Variants in TAF15 observed in about 807,000 individuals in gnomAD.
TAF15 encodes TATA-box binding protein associated factor 15, also known as TATA-binding protein-associated factor 2N.
A neutral mutation model predicts 102.5 loss-of-function variants in TAF15; 37 were observed. The ratio of observed to expected loss-of-function variants is 0.36; its 90% CI spans 0.28 to 0.47. The LOEUF is 0.47. TAF15 is among the 20% of genes least tolerant of loss of function. The pLI, the probability that TAF15 is intolerant of heterozygous loss-of-function variation, is 0.99. For synonymous variants in TAF15, 273 were observed against 259.2 expected (o/e 1.05, Z -0.51); for missense variants, 652 against 760.7 (o/e 0.86, Z 1.68).
At chr17:35,822,870 T>A (rs1253544683) in intron 6 of TAF15, 37 bp downstream of exon 6, 2 of 1,607,530 alleles carry the variant, frequency 1.2e-6, no homozygotes, top group Non-Finnish European at 1.7e-6. Flanking sequence ...TTTTTCCCCC[T>A]CTCAGAATTA....
chr17:35,813,778 A>G (rs1296064608), intron 1 of TAF15, among the ~76,000 whole-genome samples: 1 of 152,178 alleles, frequency 6.6e-6, no homozygotes, highest in Non-Finnish European at 1.5e-5. Context: ...TGAATTGAAC[A>G]CTAGATTTAA....
chr17:35,831,837 C>G (rs573224779), intron 7 of TAF15, among the ~76,000 whole-genome samples: 1 of 151,820 alleles, frequency 6.6e-6, no homozygotes, highest in South Asian at 2.1e-4. Flanking sequence ...AATCCCAGCA[C>G]TTTGGGAGCC....
intron 2 of TAF15, among the ~76,000 whole-genome samples, chr17:35,819,527 T>G (rs910564685): frequency 6.6e-6 from 1 of 152,196 alleles, no homozygotes; most frequent in Non-Finnish European, 1.5e-5. Flanking sequence ...TTGAGACTTT[T>G]AAACTGGACT....
chr17:35,844,867 G>A lies in TAF15; in HGVS notation c.1568G>A (p.Gly523Glu). The A allele has an allele frequency of 6.2e-7, 1 of 1,613,108 alleles. No individual in the cohort carries two copies. Among genetic ancestry groups the A allele is most frequent in the Non-Finnish European group, 8.5e-7 (1 of 1,179,550 alleles). The change falls in exon 15 of 16, where the codon GGA becomes GAA. Residue 523 changes from glycine (G) to glutamate (E), a missense_variant. By Grantham distance (98) the Gly-to-Glu change is moderately conservative. Around this residue, in one of 3 missense-constraint regions of TAF15, gnomAD observed 368 missense variants for 367.5 expected, o/e 1.00. Coordinates refer to ENST00000605844, the MANE Select transcript of TAF15 (RefSeq NM_139215.3). ...TATGGAGGAGATCGAGGAGGCTATG[G>A]AGGAGACAGAAGCCGGGGGGGCTAT... ...GGYGGDRGGYGGDRSRGGYGG... is the reference protein window; with the variant it reads ...GGYGGDRGGYEGDRSRGGYGG...
chr17:35,845,079 G>A (rs759491585), intron 15 of TAF15, 41 bp downstream of exon 15: 4 of 1,610,986 alleles, frequency 2.5e-6, no homozygotes, highest in Non-Finnish European at 3.4e-6. Context: ...TTACCTCACT[G>A]CACCTAGATT....
At chr17:35,824,345 TAA>T (rs2143772088) in intron 7 of TAF15, 147 bp downstream of exon 7, 7 of 1,089,920 alleles carry the variant, frequency 6.4e-6, no homozygotes, top group East Asian at 2.6e-5. Flanking sequence ...AGGCAGAAAT[TAA>T]AAGTGTATTT....
At chr17:35,842,285 A>G (rs2087557631) in intron 11 of TAF15, 82 bp from the exon 12 acceptor site, 1 of 1,061,168 alleles carries the variant, frequency 9.4e-7, no homozygotes, top group Non-Finnish European at 1.4e-6. Flanking sequence ...CTGAAACTAA[A>G]GATTTCCAAG....
In TAF15 at chr17:35,844,859, A is replaced by AGGCTATGGAGGAGACAGAAGCCGGGGG. The variant is rs748390274; in HGVS notation, c.1576_1602dup (p.Ser527_Arg535dup). On this transcript the variant is annotated inframe_insertion, in exon 15 of 16. Coordinates refer to ENST00000605844, the MANE Select transcript of TAF15 (RefSeq NM_139215.3). ...GAGGAGGTTATGGAGGAGATCGAGGAGGCTATGGAGGAGACAGAAGCCGGG... is the reference window on the plus strand; with the variant it reads ...GAGGAGGTTATGGAGGAGATCGAGGAGGCTATGGAGGAGACAGAAGCCGGGGGGGCTATGGAGGAGACAGAAGCCGGG... 4 of 1,603,784 alleles carry AGGCTATGGAGGAGACAGAAGCCGGGGG rather than the reference A, an allele frequency of 2.5e-6. No homozygotes were observed. Among genetic ancestry groups the AGGCTATGGAGGAGACAGAAGCCGGGGG allele is most frequent in the East Asian group, 2.2e-5 (1 of 44,658 alleles).
intron 7 of TAF15, 80 bp downstream of exon 7, chr17:35,824,278 A>G: frequency 1.9e-6 from 3 of 1,547,836 alleles, no homozygotes; most frequent in East Asian, 4.5e-5. Context: ...GGCTGGATCA[A>G]TTCCAGCATC....
At chr17:35,818,751 T>A (rs2087223973) in intron 2 of TAF15, 2 of 152,132 alleles carry the variant, frequency 1.3e-5, no homozygotes. Context: ...TTCAAGGTTG[T>A]TACAATGAGT....
At chr17:35,813,956 T>C (rs1398975607) in intron 1 of TAF15, among the ~76,000 whole-genome samples, 1 of 152,062 alleles carries the variant, frequency 6.6e-6, no homozygotes, top group Non-Finnish European at 1.5e-5. Flanking sequence ...AGAGAGAAAG[T>C]AACCATTGAC....
At chr17:35,821,744 T>G (rs1466215120) in intron 5 of TAF15, among the ~76,000 whole-genome samples, 1 of 152,220 alleles carries the variant, frequency 6.6e-6, no homozygotes, top group Non-Finnish European at 1.5e-5. Flanking sequence ...ATCGCTAGAA[T>G]AAGCAGTCTC....
intron 11 of TAF15, among the ~76,000 whole-genome samples, chr17:35,840,793 GTT>G (rs1192637346): frequency 6.6e-6 from 1 of 151,910 alleles, no homozygotes; most frequent in African/African-American, 2.4e-5. Context: ...GAACCCGGGA[GTT>G]GGAGGTTGCA....
Position 35,809,505 on chromosome 17 carries a change from C to A in TAF15, c.-65C>A. On this transcript the variant is annotated 5_prime_UTR_variant, in exon 1 of 16. Transcript: ENST00000605844. Reference sequence around the variant, plus strand: ...CCTCAGTACAGCTCCGGCCGCCGCGCCGCCTGGCTTTCGTATTCGTTGTTC... The same window carrying A: ...CCTCAGTACAGCTCCGGCCGCCGCGACGCCTGGCTTTCGTATTCGTTGTTC... 6.2e-7 allele frequency: 1 copy of A among 1,609,610 alleles called. No homozygotes were observed. The highest frequency in any genetic ancestry group is 8.5e-7 in the Non-Finnish European group (1 of 1,178,974).
chr17:35,817,467 T>G, intron 1 of TAF15: 1 of 499,678 alleles, frequency 2.0e-6, no homozygotes, highest in Non-Finnish European at 3.6e-6. Context: ...TTTTCACTGT[T>G]TACATTTGTT....
At chr17:35,841,484 T>A (rs1211725129) in intron 11 of TAF15, among the ~76,000 whole-genome samples, 3 of 152,104 alleles carry the variant, frequency 2.0e-5, no homozygotes, top group Non-Finnish European at 4.4e-5. Flanking sequence ...GACTCTTTTT[T>A]TTTTTTGACT....
chr17:35,842,320 G>A, intron 11 of TAF15, 47 bp from the exon 12 acceptor site: 2 of 1,404,494 alleles, frequency 1.4e-6, no homozygotes, highest in Non-Finnish European at 2.0e-6. Context: ...GTTGACAGGT[G>A]GAGGTATAGA....
chr17:35,834,378 A>T (rs1202954479), intron 8 of TAF15, 188 bp from the exon 9 acceptor site: 1 of 603,112 alleles, frequency 1.7e-6, no homozygotes, highest in East Asian at 2.8e-5. Flanking sequence ...AAATGTTGAC[A>T]TTCATCTTGA....
rs2087583626 is a variant in TAF15, at chr17:35,844,341, C to A, written c.1150C>A (p.Pro384Thr). ...NSCNQCNEPR[P>T]EDSRPSGGDF... The stretch of plus-strand genomic sequence containing the variant: ...CTGCAATCAGTGCAATGAGCCTAGA[C>A]CAGAGGACTCTCGTCCCTCAGGAGG... The change falls in exon 14 of 16, where the codon CCA (proline) becomes ACA (threonine). Residue 384 changes from proline to threonine, a missense_variant. This residue lies in a region of TAF15 where 368 missense variants were observed against 367.5 expected (regional missense o/e 1.00). Coordinates refer to ENST00000605844, the MANE Select transcript of TAF15 (RefSeq NM_139215.3). 2 of 1,614,228 alleles carry A rather than the reference C, an allele frequency of 1.2e-6. No individual in the cohort carries two copies. Among genetic ancestry groups the A allele is most frequent in the South Asian group, 1.1e-5 (1 of 91,084 alleles).
Sources: gnomAD v4.1 joint callset for allele counts (sites outside exome capture counted in the v4.1 genomes callset) on GRCh38, gnomAD v4.1.1 for gene constraint, gnomAD v4.1.1 regional missense constraint, MANE v1.5 for transcripts, NCBI Gene and HGNC (gene_info 2026-07-23, HGNC 2026-07-21) for gene names.